Variants in ATXN8OS observed in about 807,000 individuals in gnomAD.
ATXN8OS encodes ATXN8 opposite strand (non-protein coding).
chr13:70,167,720 C>CGTCTTTTTTTTTTTTTTTT (rs1889093645), intron 4 of ATXN8OS, among the ~76,000 whole-genome samples: 2 of 87,348 alleles, frequency 2.3e-5, no homozygotes, highest in African/African-American at 4.5e-5. Flanking sequence ...ACATATGTAA[C>CGTCTTTTTTTTTTTTTTTT]TTCTTTTTTT....
At chr13:70,127,101 CAGAA>C (rs1190410816) in intron 2 of ATXN8OS, among the ~76,000 whole-genome samples, 21 of 151,858 alleles carry the variant, frequency 1.4e-4, no homozygotes, top group Middle Eastern at 4.3e-3. Context: ...GAGACAGAGA[CAGAA>C]AGAAAGTTTA....
chr13:70,108,709 C>T (rs1343426037), intron 1 of ATXN8OS, among the ~76,000 whole-genome samples: 2 of 152,236 alleles, frequency 1.3e-5, no homozygotes, highest in African/African-American at 4.8e-5. Context: ...AAACACCACA[C>T]ATGAATCATG....
At chr13:70,108,750 T>G (rs1888148129) in intron 1 of ATXN8OS, among the ~76,000 whole-genome samples, 1 of 152,218 alleles carries the variant, frequency 6.6e-6, no homozygotes, top group African/African-American at 2.4e-5. Flanking sequence ...TGCCATCAGT[T>G]TGCAGGTTGC....
rs145389460 is a variant in ATXN8OS, at chr13:70,157,476, A to G, written n.573+10048A>G. 4.3e-4 allele frequency among the ~76,000 whole-genome samples: 64 copies of G among 147,128 alleles called. 1 individual carries two copies. In the East Asian group the frequency reaches 0.012, roughly 28 times the overall value. On this transcript the variant is annotated intron_variant and non_coding_transcript_variant, in intron 4 of 4. Transcript: ENST00000678624. ...GCAACTAGATTATCCTAAGGAAAGA[A>G]GACAGCCAATTAACTGGACTCACAT...
intron 4 of ATXN8OS, among the ~76,000 whole-genome samples, chr13:70,147,459 T>G (rs1888801002): frequency 6.6e-6 from 1 of 152,118 alleles, no homozygotes; most frequent in Admixed American, 6.6e-5. Flanking sequence ...ATGGAGCATA[T>G]GTTACTCTCT....
intron 3 of ATXN8OS, among the ~76,000 whole-genome samples, chr13:70,138,052 G>A (rs529826064): frequency 2.7e-4 from 41 of 152,266 alleles, no homozygotes; most frequent in African/African-American, 7.2e-4. Flanking sequence ...ACAACATGGC[G>A]GAAATCCGCC....
At chr13:70,150,266 G>T (rs2137498445) in intron 4 of ATXN8OS, among the ~76,000 whole-genome samples, 1 of 152,170 alleles carries the variant, frequency 6.6e-6, no homozygotes, top group East Asian at 1.9e-4. Context: ...CCTACTGAAG[G>T]AAGATAATAT....
At chr13:70,171,628 T>C (rs1047101428) in exon 5 of ATXN8OS, among the ~76,000 whole-genome samples, 4 of 152,130 alleles carry the variant, frequency 2.6e-5, no homozygotes, top group Admixed American at 2.6e-4. Context: ...CAGTTTGTAG[T>C]TGACTGAAAC....
chr13:70,170,880 G>T (rs760767864), exon 5 of ATXN8OS, among the ~76,000 whole-genome samples: 2 of 151,834 alleles, frequency 1.3e-5, no homozygotes, highest in Non-Finnish European at 2.9e-5. Context: ...GCCACAAACC[G>T]GTATAACATG....
At chr13:70,107,865 G>T (rs1333772707) in exon 1 of ATXN8OS, 7 of 580,246 alleles carry the variant, frequency 1.2e-5, no homozygotes, top group Non-Finnish European at 2.0e-5. Flanking sequence ...CCAGGCGAAG[G>T]CTGGAGCGCA....
chr13:70,132,440 A>C (rs528672366), intron 3 of ATXN8OS, among the ~76,000 whole-genome samples: 87 of 151,898 alleles, frequency 5.7e-4, no homozygotes, highest in African/African-American at 2.1e-3. Context: ...TAAAGATGGC[A>C]ACAATAGACA....
At chr13:70,130,071 T>A (rs1353917191) in intron 3 of ATXN8OS, among the ~76,000 whole-genome samples, 1 of 146,890 alleles carries the variant, frequency 6.8e-6, no homozygotes, top group Non-Finnish European at 1.5e-5. Flanking sequence ...GACCATGGAC[T>A]TTCTCTCCAA....
intron 3 of ATXN8OS, among the ~76,000 whole-genome samples, chr13:70,143,307 T>C (rs1593770470): frequency 6.6e-6 from 1 of 152,262 alleles, no homozygotes; most frequent in Middle Eastern, 3.4e-3. Flanking sequence ...AAAATGCTTG[T>C]TGCCCTGAGG....
In ATXN8OS at chr13:70,154,265, A is replaced by G. The variant is rs142528894; in HGVS notation, n.573+6837A>G. 2.2e-3 allele frequency among the ~76,000 whole-genome samples: 330 copies of G among 152,296 alleles called. 2 individuals are homozygous for G. Among genetic ancestry groups the G allele is most frequent in the Middle Eastern group, 6.8e-3 (2 of 294 alleles). On this transcript the variant is annotated intron_variant and non_coding_transcript_variant, in intron 4 of 4. Coordinates refer to ENST00000678624, the Ensembl canonical transcript of ATXN8OS. ...ATCACAAGTAGAATCTCTTTTCAGT[A>G]ATTAAATAAACCTCCTTTGTTTGCT...
intron 2 of ATXN8OS, among the ~76,000 whole-genome samples, chr13:70,121,936 T>C (rs1888365201): frequency 6.6e-6 from 1 of 152,016 alleles, no homozygotes; most frequent in Non-Finnish European, 1.5e-5. Flanking sequence ...TGAAGTAAAT[T>C]TGAAAGACAG....
chr13:70,159,344 T>C (rs1044419570), intron 4 of ATXN8OS, among the ~76,000 whole-genome samples: 2 of 152,134 alleles, frequency 1.3e-5, no homozygotes, highest in Non-Finnish European at 2.9e-5. Context: ...ATAAAAGTTT[T>C]ATATATTTAT....
intron 4 of ATXN8OS, among the ~76,000 whole-genome samples, chr13:70,158,228 G>A (rs1216666298): frequency 6.6e-5 from 10 of 152,058 alleles, no homozygotes; most frequent in African/African-American, 1.7e-4. Context: ...GACCAGCCTG[G>A]CCAATATGGT....
intron 3 of ATXN8OS, among the ~76,000 whole-genome samples, chr13:70,136,914 G>A (rs761679274): frequency 1.1e-4 from 17 of 152,100 alleles, no homozygotes; most frequent in Non-Finnish European, 2.2e-4. Context: ...TTTAATAGAA[G>A]CGTGTTCCAC....
chr13:70,145,977 C>G (rs1397778486), intron 3 of ATXN8OS, among the ~76,000 whole-genome samples: 6 of 144,418 alleles, frequency 4.2e-5, no homozygotes, highest in Non-Finnish European at 9.1e-5. Context: ...GAACAGGCAA[C>G]CTACAAAATG....
Sources: allele counts gnomAD v4.1 joint callset (sites outside exome capture counted in the v4.1 genomes callset), GRCh38; gene constraint gnomAD v4.1.1; transcripts MANE v1.5; gene names NCBI Gene and HGNC (gene_info 2026-07-23, HGNC 2026-07-21).